Variants in RIMBP2 observed in about 807,000 individuals in gnomAD.
The protein encoded by RIMBP2 is RIMS-binding protein 2.
RIMBP2 carries 48 observed loss-of-function variants against 118.6 expected under a neutral mutation model. The ratio of observed to expected loss-of-function variants is 0.40; its 90% confidence interval spans 0.32 to 0.51. The LOEUF is 0.51. RIMBP2 is among the 20% of genes least tolerant of loss of function. RIMBP2 has a pLI of 0.41. For missense variants in RIMBP2, 1,551 were observed against 1,768.3 expected, an observed-to-expected ratio of 0.88 and a Z score of 2.20; for synonymous variants, 762 against 742.9, an observed-to-expected ratio of 1.03 and a Z score of -0.42.
At chr12:130,451,023 C>T (rs994710785) in intron 8 of RIMBP2, among the ~76,000 whole-genome samples, 172 bp downstream of exon 8, 1 of 152,136 alleles carries the variant, frequency 6.6e-6, no homozygotes, top group Non-Finnish European at 1.5e-5. Context: ...GGGGCCCCCC[C>T]ACATTCCAGC....
chr12:130,664,389 G>GCACGCACGCACACGCATGCACGCACA (rs74184218), intron 1 of RIMBP2, among the ~76,000 whole-genome samples: 1 of 82,544 alleles, frequency 1.2e-5, no homozygotes, highest in Admixed American at 1.1e-4. Context: ...GCACGCGCAT[G>GCACGCACGCACACGCATGCACGCACA]CACACACACG....
intron 3 of RIMBP2, among the ~76,000 whole-genome samples, chr12:130,509,630 C>A (rs1367706972): frequency 6.6e-6 from 1 of 152,138 alleles, no homozygotes; most frequent in East Asian, 1.9e-4. Flanking sequence ...TCTCCCACAC[C>A]CTTCTCCCTG....
intron 2 of RIMBP2, among the ~76,000 whole-genome samples, chr12:130,535,766 T>C (rs7486465): frequency 0.022 from 2,431 of 110,812 alleles, 72 homozygotes; most frequent in African/African-American, 0.07. Context: ...TATATATATA[T>C]ATATATATAT....
intron 1 of RIMBP2, among the ~76,000 whole-genome samples, chr12:130,685,890 C>G (rs1210774224): frequency 6.6e-6 from 1 of 152,164 alleles, no homozygotes; most frequent in Non-Finnish European, 1.5e-5. Context: ...TGCGCATCAG[C>G]CAATCTTTCT....
chr12:130,643,195 T>C (rs1018568910), intron 1 of RIMBP2, among the ~76,000 whole-genome samples: 1 of 152,124 alleles, frequency 6.6e-6, no homozygotes, highest in Non-Finnish European at 1.5e-5. Flanking sequence ...CCCTGCACAG[T>C]GACATGTAGG....
intron 2 of RIMBP2, among the ~76,000 whole-genome samples, chr12:130,543,731 G>A (rs984116852): frequency 2.7e-5 from 4 of 150,300 alleles, no homozygotes; most frequent in Non-Finnish European, 5.9e-5. Flanking sequence ...GCCACATCAT[G>A]AAAATTAAGT....
chr12:130,687,867 G>C (rs1032007702), intron 1 of RIMBP2, among the ~76,000 whole-genome samples: 1 of 152,162 alleles, frequency 6.6e-6, no homozygotes, highest in African/African-American at 2.4e-5. Flanking sequence ...CGTGCCTCAG[G>C]AAATGAGCTT....
At chr12:130,411,589 G>A (rs1212096170) in intron 19 of RIMBP2, among the ~76,000 whole-genome samples, 3 of 152,124 alleles carry the variant, frequency 2.0e-5, no homozygotes, top group African/African-American at 4.8e-5. Context: ...TCAAGTTACC[G>A]TTCCTTAACA....
In RIMBP2 at chr12:130,707,227, C is replaced by T. The variant is rs573755980; in HGVS notation, c.-352+8995G>A. On this transcript the variant is annotated intron_variant, in intron 1 of 22. Coordinates refer to ENST00000690449, the MANE Select transcript of RIMBP2 (RefSeq NM_001393629.1). Reference sequence around the variant, plus strand: ...ACACTCAGAACTTCCAACTGCCAGTCGTATCCAGCTGCAGATGCTGGCATA... The same window carrying T: ...ACACTCAGAACTTCCAACTGCCAGTTGTATCCAGCTGCAGATGCTGGCATA... Among the ~76,000 whole-genome samples, 5 of 152,182 alleles carry T rather than the reference C, an allele frequency of 3.3e-5. 1 individual carries two copies. Among genetic ancestry groups the T allele is most frequent in the African/African-American group, 1.2e-4 (5 of 41,516 alleles).
At position 130,646,041 on chromosome 12, in the gene RIMBP2, C is replaced by A. The variant is rs567154468; in HGVS notation, c.-351-17585G>T. ...GAAATCTGTGGTGCGGCAGCCAGTT[C>A]CCTCTCCACCTCCCTCACCACCTGC... On this transcript the variant is annotated intron_variant, in intron 1 of 22. Transcript: ENST00000690449. Among the ~76,000 whole-genome samples the A allele has an allele frequency of 6.5e-4, 96 of 146,806 alleles. 2 individuals carry two copies. Among genetic ancestry groups the A allele is most frequent in the African/African-American group, 2.1e-3 (84 of 40,358 alleles).
intron 3 of RIMBP2, among the ~76,000 whole-genome samples, chr12:130,514,193 T>C (rs1308875440): frequency 6.6e-6 from 1 of 152,248 alleles, no homozygotes; most frequent in Non-Finnish European, 1.5e-5. Flanking sequence ...AAAGCACTGC[T>C]ATTCCTGTCC....
chr12:130,586,649 C>T (rs2058903742), intron 2 of RIMBP2, among the ~76,000 whole-genome samples: 1 of 141,784 alleles, frequency 7.1e-6, no homozygotes, highest in Non-Finnish European at 1.5e-5. Context: ...AACTGGATCC[C>T]TTCCTTACAC....
intron 21 of RIMBP2, among the ~76,000 whole-genome samples, chr12:130,404,624 A>G (rs2074989964): frequency 6.6e-6 from 1 of 152,242 alleles, no homozygotes; most frequent in Non-Finnish European, 1.5e-5. Context: ...AGATATATAA[A>G]GGATGCGTAA....
At chr12:130,494,306 C>T (rs959966954) in intron 4 of RIMBP2, among the ~76,000 whole-genome samples, 14 of 152,100 alleles carry the variant, frequency 9.2e-5, no homozygotes, top group East Asian at 1.9e-4. Context: ...GCTCTGCCCC[C>T]GCCTCCACAG....
At chr12:130,467,980 C>T (rs1319582392) in intron 6 of RIMBP2, among the ~76,000 whole-genome samples, 1 of 152,130 alleles carries the variant, frequency 6.6e-6, no homozygotes, top group African/African-American at 2.4e-5. Flanking sequence ...TATCTAGGCG[C>T]CCTCTATTGT....
chr12:130,677,453 C>T (rs111726497), intron 1 of RIMBP2, among the ~76,000 whole-genome samples: 1,950 of 152,128 alleles, frequency 0.013, 51 homozygotes, highest in African/African-American at 0.045. Flanking sequence ...CATGGCGAAA[C>T]CCCATCTCTA....
intron 2 of RIMBP2, among the ~76,000 whole-genome samples, chr12:130,552,218 A>G (rs1181394715): frequency 6.6e-6 from 1 of 152,208 alleles, no homozygotes; most frequent in Non-Finnish European, 1.5e-5. Context: ...CATTCTGTGG[A>G]ATAATTTTGG....
chr12:130,483,907 A>C (rs1382442211), intron 4 of RIMBP2, among the ~76,000 whole-genome samples: 1 of 151,320 alleles, frequency 6.6e-6, no homozygotes, highest in Non-Finnish European at 1.5e-5. Context: ...CCCCACCTAG[A>C]CACGGTGCCC....
intron 2 of RIMBP2, among the ~76,000 whole-genome samples, chr12:130,548,070 C>T (rs2139670717): frequency 6.6e-6 from 1 of 152,244 alleles, no homozygotes; most frequent in South Asian, 2.1e-4. Context: ...TGACCATGAT[C>T]CAAAGACCAT....
Sources: allele counts gnomAD v4.1 joint callset (sites outside exome capture counted in the v4.1 genomes callset), GRCh38; gene constraint gnomAD v4.1.1; transcripts MANE v1.5; gene names NCBI Gene and HGNC (gene_info 2026-07-23, HGNC 2026-07-21).